HYCC2: variants seen among roughly 807,000 people sequenced by gnomAD.
HYCC2 encodes the protein hyccin PI4KA lipid kinase complex subunit 2.
the HYCC2 span, among the ~76,000 whole-genome samples, chr2:201,030,553 C>T: frequency 6.6e-6 from 1 of 150,860 alleles, no homozygotes; most frequent in Non-Finnish European, 1.5e-5. Context: ...GTTAAAAACA[C>T]ATCAAAGATC....
At chr2:201,008,047 A>G in the HYCC2 span, among the ~76,000 whole-genome samples, 4 of 152,198 alleles carry the variant, frequency 2.6e-5, no homozygotes, top group East Asian at 1.9e-4. Flanking sequence ...GTAATAAACC[A>G]TAACTGTGAG....
At chr2:201,025,457 GAAAGA>G in the HYCC2 span, among the ~76,000 whole-genome samples, 85 of 151,018 alleles carry the variant, frequency 5.6e-4, no homozygotes, top group African/African-American at 1.0e-3. Flanking sequence ...AAAAAAGAAA[GAAAGA>G]AAAGAAAAGA....
the HYCC2 span, among the ~76,000 whole-genome samples, chr2:201,047,723 G>A: frequency 2.0e-5 from 3 of 151,088 alleles, no homozygotes; most frequent in Non-Finnish European, 4.4e-5. Flanking sequence ...AAAAAGAGTT[G>A]CTCTTCAAAA....
At chr2:201,036,067 A>C in the HYCC2 span, among the ~76,000 whole-genome samples, 1 of 152,162 alleles carries the variant, frequency 6.6e-6, no homozygotes, top group Non-Finnish European at 1.5e-5. Flanking sequence ...GGATATCACC[A>C]CCGATCCCAC....
chr2:201,023,694 G>T, the HYCC2 span: 8 of 261,396 alleles, frequency 3.1e-5, no homozygotes, highest in Non-Finnish European at 5.0e-5. Flanking sequence ...CTCTTTTACT[G>T]AATATATTTT....
chr2:201,039,417 G>C, the HYCC2 span, among the ~76,000 whole-genome samples: 22 of 152,026 alleles, frequency 1.4e-4, no homozygotes, highest in Non-Finnish European at 2.9e-4. Context: ...AATTTTACTT[G>C]GAAAACTAAA....
the HYCC2 span, among the ~76,000 whole-genome samples, chr2:201,046,807 T>C: frequency 1.3e-5 from 2 of 152,334 alleles, no homozygotes; most frequent in East Asian, 1.9e-4. Context: ...ATTAGGTCCT[T>C]ACCAATTTGT....
the HYCC2 span, among the ~76,000 whole-genome samples, chr2:200,998,477 T>G: frequency 6.6e-6 from 1 of 152,236 alleles, no homozygotes; most frequent in African/African-American, 2.4e-5. Context: ...TCCCACTGAA[T>G]TGTAATTTTA....
chr2:201,033,974 T>G, the HYCC2 span, among the ~76,000 whole-genome samples: 3 of 151,004 alleles, frequency 2.0e-5, no homozygotes, highest in East Asian at 5.8e-4. Flanking sequence ...CATCCTCTAG[T>G]TTAAAAAAAA....
the HYCC2 span, among the ~76,000 whole-genome samples, chr2:201,038,391 G>A: frequency 7.9e-5 from 12 of 152,068 alleles, no homozygotes; most frequent in Non-Finnish European, 1.5e-5. Flanking sequence ...TCCTATTGCT[G>A]GGTATATACC....
At chr2:200,983,488 CA>C in the HYCC2 span, among the ~76,000 whole-genome samples, 1 of 152,076 alleles carries the variant, frequency 6.6e-6, no homozygotes, top group Non-Finnish European at 1.5e-5. Flanking sequence ...ATCCTTAAAG[CA>C]AAAGGCACCT....
the HYCC2 span, chr2:200,977,371 G>A: frequency 2.6e-5 from 4 of 152,204 alleles, no homozygotes; most frequent in African/African-American, 7.2e-5. Context: ...GAGGATGAAG[G>A]TTGGGGTGAG....
At chr2:201,018,811 AC>A in the HYCC2 span, among the ~76,000 whole-genome samples, 1 of 152,158 alleles carries the variant, frequency 6.6e-6, no homozygotes, top group Non-Finnish European at 1.5e-5. Flanking sequence ...AGCCTGGGTA[AC>A]AGAGCAAGAC....
the HYCC2 span, among the ~76,000 whole-genome samples, chr2:201,060,240 G>T: frequency 6.6e-6 from 1 of 152,074 alleles, no homozygotes; most frequent in East Asian, 1.9e-4. Flanking sequence ...TAGAAGATAA[G>T]GAGCAAGTAT....
chr2:201,045,169 G>A, the HYCC2 span, among the ~76,000 whole-genome samples: 1 of 152,104 alleles, frequency 6.6e-6, no homozygotes, highest in African/African-American at 2.4e-5. Flanking sequence ...CTCCTATATT[G>A]GACGGCACAG....
At chr2:201,050,694 G>A in the HYCC2 span, among the ~76,000 whole-genome samples, 5 of 152,062 alleles carry the variant, frequency 3.3e-5, no homozygotes, top group African/African-American at 9.7e-5. Context: ...AGTACTTTGG[G>A]AGGCTGAGGC....
chr2:201,035,853 T>C, the HYCC2 span, among the ~76,000 whole-genome samples: 1 of 152,138 alleles, frequency 6.6e-6, no homozygotes, highest in Admixed American at 6.6e-5. Flanking sequence ...CTGTTGGAGT[T>C]TGCCGGAGGT....
At chr2:201,009,977 A>G in the HYCC2 span, among the ~76,000 whole-genome samples, 1 of 151,452 alleles carries the variant, frequency 6.6e-6, no homozygotes, top group Non-Finnish European at 1.5e-5. Context: ...GGTGGCATGC[A>G]CCTGTAGTCC....
At chr2:201,037,909 A>C in the HYCC2 span, among the ~76,000 whole-genome samples, 1 of 152,258 alleles carries the variant, frequency 6.6e-6, no homozygotes, top group African/African-American at 2.4e-5. Flanking sequence ...AATTAAACTA[A>C]AGAGCTTCTG....
Sources: gnomAD v4.1 joint callset for allele counts (sites outside exome capture counted in the v4.1 genomes callset) on GRCh38, gnomAD v4.1.1 for gene constraint, MANE v1.5 for transcripts, NCBI Gene and HGNC (gene_info 2026-07-23, HGNC 2026-07-21) for gene names.